SPATC1: variants seen among roughly 807,000 people sequenced by gnomAD.
The protein encoded by SPATC1 is spermatogenesis and centriole associated 1.
In SPATC1, 35 loss-of-function variants were observed where a neutral mutation model predicts 36.5. The ratio of observed to expected loss-of-function variants is 0.96; its 90% confidence interval spans 0.73 to 1.27. The LOEUF (loss-of-function observed/expected upper bound fraction) is 1.27. Among genes scored for constraint, SPATC1 ranks in the 50% most tolerant of loss-of-function variants. The pLI, the probability that SPATC1 is intolerant of heterozygous loss-of-function variation, is 0.00. For synonymous variants in SPATC1, 361 were observed against 353.6 expected (o/e 1.02, Z -0.24); for missense variants, 779 against 796.0 (o/e 0.98, Z 0.26).
Position 144,015,042 on chromosome 8 carries a change from A to AATT in SPATC1, c.211+2316_211+2317insATT, listed in dbSNP as rs1554752984. The stretch of plus-strand genomic sequence containing the variant: ...TAAATGTAATTTTTAAATATTTAAA[A>AATT]TTTTTTTTTTTTTGAGAGACAGAGT... On this transcript the variant is annotated intron_variant, in intron 1 of 4. Transcript: ENST00000377470. Among the ~76,000 whole-genome samples the AATT allele has an allele frequency of 3.0e-4, 44 of 148,196 alleles. 1 individual carries two copies. The highest frequency in any genetic ancestry group is 8.8e-4 in the African/African-American group (36 of 40,716).
chr8:144,012,581 G>C lies in SPATC1; in HGVS notation c.66G>C (p.Glu22Asp). Residue 22 changes from glutamate to aspartate, a missense_variant, in exon 1 of 5, where the codon GAG becomes GAC. Physicochemically the swap from Glu to Asp is conservative, Grantham distance 45 (BLOSUM62 2). Coordinates refer to ENST00000377470, the MANE Select transcript of SPATC1 (RefSeq NM_198572.3). Reference protein sequence around the residue: ...HQIERLVRENEELKKLVRLIR... With the variant: ...HQIERLVRENDELKKLVRLIR... ...TAGAGAGGCTGGTGCGGGAAAATGAGGAACTGAAGAAGTTGGTGCGGCTCA... is the reference window on the plus strand; with the variant it reads ...TAGAGAGGCTGGTGCGGGAAAATGACGAACTGAAGAAGTTGGTGCGGCTCA... 6.4e-7 allele frequency: 1 copy of C among 1,551,752 alleles called. No individual in the cohort carries two copies. Among genetic ancestry groups the C allele is most frequent in the South Asian group, 1.2e-5 (1 of 84,062 alleles).
chr8:144,031,491 G>A (rs1399226792), intron 1 of SPATC1, among the ~76,000 whole-genome samples: 176 of 121,690 alleles, frequency 1.4e-3, no homozygotes, highest in Middle Eastern at 0.01. Flanking sequence ...GTCTCACTAC[G>A]TTGCCCTGGC....
rs1834392789 is a variant in SPATC1, at chr8:144,016,339, G to A, written c.211+3613G>A. Among the ~76,000 whole-genome samples the A allele has an allele frequency of 1.3e-5, 2 of 152,038 alleles. No homozygotes were observed. The highest frequency in any genetic ancestry group is 6.6e-5 in the Admixed American group (1 of 15,250). On this transcript the variant is annotated intron_variant, in intron 1 of 4. Coordinates refer to ENST00000377470, the MANE Select transcript of SPATC1 (RefSeq NM_198572.3). This position sits in a 1 kb window ranked among gnomAD's most constrained non-coding sequence, Gnocchi z 4.5. ...GATTTGTGAGTGAATGTGTGCATAT[G>A]GCTCTGTGTGTGTGTGAGTTGCTGT...
At chr8:144,019,751 C>T (rs1474306745) in intron 1 of SPATC1, among the ~76,000 whole-genome samples, 8 of 152,032 alleles carry the variant, frequency 5.3e-5, no homozygotes, top group African/African-American at 1.9e-4. Context: ...GTGGGACAGC[C>T]GTCAGCACGG....
chr8:144,047,004 A>G lies in SPATC1; in HGVS notation c.*48A>G, dbSNP rs1480474132. 1.9e-5 allele frequency: 29 copies of G among 1,552,764 alleles called. No homozygotes were observed. The highest frequency in any genetic ancestry group is 2.3e-5 in the Non-Finnish European group (27 of 1,154,556). ...CTCGCTCAGCCCCACAGCCCTGTGC[A>G]CGGCCATTAAAGCTTCCCACAGACA... On this transcript the variant is annotated 3_prime_UTR_variant, in exon 5 of 5. Transcript: ENST00000377470. The surrounding 1 kb of genome is among the most constrained non-coding windows in gnomAD (Gnocchi z 4.1).
At position 144,021,525 on chromosome 8, in the gene SPATC1, G is replaced by A. The variant is rs1484240954; in HGVS notation, c.211+8799G>A. On this transcript the variant is annotated intron_variant, in intron 1 of 4. Coordinates refer to ENST00000377470, the MANE Select transcript of SPATC1 (RefSeq NM_198572.3). The stretch of plus-strand genomic sequence containing the variant: ...TCCCTCAGATCCCTCTCCCCTCAGG[G>A]CCCTCTGCCCTCAAAACTCTCTTCC... Among the ~76,000 whole-genome samples the A allele has an allele frequency of 2.9e-4, 23 of 78,154 alleles. 1 individual carries two copies. The highest frequency in any genetic ancestry group is 8.7e-4 in the African/African-American group (18 of 20,664). The allele number at this position is 78,154 out of a possible 152,430, so 51.3% of individuals were successfully genotyped here.
chr8:144,024,822 T>A (rs1351434867), intron 1 of SPATC1, among the ~76,000 whole-genome samples: 2 of 55,756 alleles, frequency 3.6e-5, no homozygotes, highest in South Asian at 6.5e-4. Flanking sequence ...AGGACCCTCT[T>A]CCCTCAGGAC....
At position 144,045,273 on chromosome 8, in the gene SPATC1, C is replaced by CCTCCAGCTG. The variant is rs1835228872; in HGVS notation, c.1447-1353_1447-1345dup. Among the ~76,000 whole-genome samples the CCTCCAGCTG allele has an allele frequency of 6.6e-6, 1 of 152,240 alleles. No homozygotes were observed. Among genetic ancestry groups the CCTCCAGCTG allele is most frequent in the Non-Finnish European group, 1.5e-5 (1 of 68,048 alleles). ...GCCTAGAAGGCTCAGGAGCCAAGAA[C>CCTCCAGCTG]CTCCAGCTGGGGAGAGACAGGCGCA... On this transcript the variant is annotated intron_variant, in intron 4 of 4. Coordinates refer to ENST00000377470, the MANE Select transcript of SPATC1 (RefSeq NM_198572.3). The surrounding 1 kb of genome is among the most constrained non-coding windows in gnomAD (Gnocchi z 5.2).
In SPATC1 at chr8:144,046,468, C is replaced by G. The variant is rs1315395962; in HGVS notation, c.1447-159C>G. On this transcript the variant is annotated intron_variant, in intron 4 of 4. Transcript: ENST00000377470. The surrounding 1 kb of genome is among the most constrained non-coding windows in gnomAD (Gnocchi z 6.6). ...TGTCAGGCTCTGCCCACTGGGTTCC[C>G]CTGTCCTAGATTCTTGAGGTCTGTC... Among the ~76,000 whole-genome samples the G allele has an allele frequency of 6.6e-6, 1 of 152,156 alleles. No homozygotes were observed. Among genetic ancestry groups the G allele is most frequent in the Non-Finnish European group, 1.5e-5 (1 of 68,016 alleles).
At position 144,046,878 on chromosome 8, in the gene SPATC1, G is replaced by A; in HGVS notation, c.1698G>A (p.Met566Ile). Residue 566 changes from methionine (M) to isoleucine (I), a missense_variant, in exon 5 of 5, where the codon ATG becomes ATA. Transcript: ENST00000377470. The surrounding 1 kb of genome is among the most constrained non-coding windows in gnomAD (Gnocchi z 6.6). Reference protein sequence around the residue: ...RVVVETVHPGMLADALLLLSC... With the variant: ...RVVVETVHPGILADALLLLSC... ...TGGTGGAGACCGTGCACCCCGGCAT[G>A]CTCGCCGACGCGCTGCTGCTGCTCT... 6.2e-7 allele frequency: 1 copy of A among 1,600,064 alleles called. No homozygotes were observed. The highest frequency in any genetic ancestry group is 8.5e-7 in the Non-Finnish European group (1 of 1,179,764).
chr8:144,013,173 C>T (rs1301430241), intron 1 of SPATC1, among the ~76,000 whole-genome samples: 2 of 152,214 alleles, frequency 1.3e-5, no homozygotes, highest in Non-Finnish European at 2.9e-5. Flanking sequence ...CTGCATCCTT[C>T]TCCACCTCTG....
In SPATC1 at chr8:144,023,596, A is replaced by T. The variant is rs1488490421; in HGVS notation, c.211+10870A>T. On this transcript the variant is annotated intron_variant, in intron 1 of 4. Coordinates refer to ENST00000377470, the MANE Select transcript of SPATC1 (RefSeq NM_198572.3). ...ACGACCTTTCCTATTCCCTCAGGACACACTTCCCTGAAAACGCTCTTCCCT... is the reference window on the plus strand; with the variant it reads ...ACGACCTTTCCTATTCCCTCAGGACTCACTTCCCTGAAAACGCTCTTCCCT... Among the ~76,000 whole-genome samples, 135 of 69,270 alleles carry T rather than the reference A, an allele frequency of 1.9e-3. 10 individuals carry two copies. Among genetic ancestry groups the T allele is most frequent in the African/African-American group, 8.3e-3 (132 of 15,834 alleles). The allele number at this position is 69,270 out of a possible 152,430, so 45.4% of individuals were successfully genotyped here.
Position 144,016,001 on chromosome 8 carries a change from G to A in SPATC1, c.211+3275G>A, listed in dbSNP as rs1479956132. ...GGCGTGAACCCGGGAGGCGGAGCTT[G>A]CAGTGAGCAGAGATGGCGCCACTGC... On this transcript the variant is annotated intron_variant, in intron 1 of 4. Coordinates refer to ENST00000377470, the MANE Select transcript of SPATC1 (RefSeq NM_198572.3). The surrounding 1 kb of genome is among the most constrained non-coding windows in gnomAD (Gnocchi z 4.5). Among the ~76,000 whole-genome samples, 1 of 150,304 alleles carries A rather than the reference G, an allele frequency of 6.7e-6. No individual in the cohort carries two copies. Among genetic ancestry groups the A allele is most frequent in the Non-Finnish European group, 1.5e-5 (1 of 67,650 alleles).
At position 144,040,901 on chromosome 8, in the gene SPATC1, G is replaced by GT. The variant is rs1835072206; in HGVS notation, c.1100_1101insT (p.Met368AsnfsTer3). Reference sequence around the variant, plus strand: ...CAGGGTGCCCCCCATCCCCCTTCCCGAATGCATAATTCCCCAACCCAGAAC... The same window carrying GT: ...CAGGGTGCCCCCCATCCCCCTTCCCGTAATGCATAATTCCCCAACCCAGAAC... On this transcript the variant is annotated frameshift_variant, in exon 3 of 5. Transcript: ENST00000377470. LOFTEE classifies it high-confidence loss of function. 6.5e-7 allele frequency: 1 copy of GT among 1,529,364 alleles called. No individual in the cohort carries two copies. Among genetic ancestry groups the GT allele is most frequent in the Non-Finnish European group, 8.8e-7 (1 of 1,134,750 alleles). 94.7% of individuals were successfully genotyped at this position (1,529,364 alleles called of 1,614,324 possible). A position where few individuals can be genotyped will look rare whatever the true frequency, so the allele number is the denominator to read the frequency against.
chr8:144,037,506 C>T (rs193019303), intron 1 of SPATC1, among the ~76,000 whole-genome samples: 77 of 152,226 alleles, frequency 5.1e-4, no homozygotes, highest in African/African-American at 1.8e-3. Flanking sequence ...TGTGACCTTA[C>T]CCCCAACCCT....
rs1344275762 is a variant in SPATC1 at position 144,046,403 on chromosome 8, T to C, written c.1447-224T>C. Among the ~76,000 whole-genome samples, 1 of 152,162 alleles carries C rather than the reference T, an allele frequency of 6.6e-6. No individual in the cohort carries two copies. The highest frequency in any genetic ancestry group is 2.4e-5 in the African/African-American group (1 of 41,428). On this transcript the variant is annotated intron_variant, in intron 4 of 4. Coordinates refer to ENST00000377470, the MANE Select transcript of SPATC1 (RefSeq NM_198572.3). This position sits in a 1 kb window ranked among gnomAD's most constrained non-coding sequence, Gnocchi z 6.6. ...TGGCTGAGGCCCTACTGGGGAGCTT[T>C]GAGAGCCACCTGCCCTGCCCGGATC...
intron 1 of SPATC1, among the ~76,000 whole-genome samples, chr8:144,023,997 A>G (rs1834614440): frequency 2.1e-5 from 3 of 141,674 alleles, no homozygotes; most frequent in Non-Finnish European, 4.6e-5. Flanking sequence ...TCCCCTCAGG[A>G]CCCTCTACCC....
intron 4 of SPATC1, among the ~76,000 whole-genome samples, chr8:144,043,401 C>A (rs1835169529): frequency 6.6e-6 from 1 of 152,068 alleles, no homozygotes; most frequent in Admixed American, 6.6e-5. Context: ...CCTGCCTCAG[C>A]CTCCCAAGTA....
chr8:144,046,695 G>A lies in SPATC1; in HGVS notation c.1515G>A (p.Val505=), dbSNP rs1835271805. The A allele has an allele frequency of 6.2e-7, 1 of 1,612,554 alleles. No homozygotes were observed. The highest frequency in any genetic ancestry group is 8.5e-7 in the Non-Finnish European group (1 of 1,179,972). Residue 505 remains valine (V), a synonymous_variant, in exon 5 of 5, where the codon GTG becomes GTA. Coordinates refer to ENST00000377470, the MANE Select transcript of SPATC1 (RefSeq NM_198572.3). The surrounding 1 kb of genome is among the most constrained non-coding windows in gnomAD (Gnocchi z 6.6). The part of the protein sequence containing the change: ...KLCQRLTQRY[V]SVMNRLQSLG... ...GCCAGAGGCTCACACAGCGCTATGT[G>A]AGCGTCATGAACAGGCTGCAGAGTC...
Sources: allele counts gnomAD v4.1 joint callset (sites outside exome capture counted in the v4.1 genomes callset), GRCh38; gene constraint gnomAD v4.1.1; non-coding constraint Gnocchi (gnomAD v3.1); transcripts MANE v1.5; gene names NCBI Gene and HGNC (gene_info 2026-07-23, HGNC 2026-07-21).